Variants in KRT10 observed in about 807,000 individuals in gnomAD.
KRT10 encodes keratin, type I cytoskeletal 10.
A neutral mutation model predicts 59.2 loss-of-function variants in KRT10; 40 were observed. That is an observed-to-expected ratio of 0.68 (90% CI 0.52 to 0.88). The LOEUF is 0.88. KRT10 is among the 40% of genes least tolerant of loss of function. KRT10 has a pLI of 0.00. For missense variants in KRT10, 719 were observed against 749.1 expected (o/e 0.96, Z 0.47); for synonymous variants, 336 against 310.7 (o/e 1.08, Z -0.86).
chr17:40,821,140 T>A, intron 1 of KRT10, 23 bp from the exon 2 acceptor site: 1 of 1,558,656 alleles, frequency 6.4e-7, no homozygotes, highest in Non-Finnish European at 8.9e-7. Context: ...GCACAGTTAT[T>A]TGAGAAGAGG....
Position 40,822,375 on chromosome 17 carries a change from A to G in KRT10, c.211T>C (p.Ser71Pro), listed in dbSNP as rs1402981926. 6 of 1,608,902 alleles carry G rather than the reference A, an allele frequency of 3.7e-6. No individual in the cohort carries two copies. The East Asian group carries it at 1.1e-4, about 30-fold the overall frequency. The change falls in exon 1 of 8, where the codon TCA becomes CCA. Residue 71 changes from serine (S) to proline (P), a missense_variant. By Grantham distance (74) the Ser-to-Pro change is moderately conservative. Transcript: ENST00000269576. ...CCTCCTAATCCTCCATAGCCACCTG[A>G]TGAGCCCCCAAAGCAGCCCCCACCA... ...SSGGGCFGGS[S>P]GGYGGLGGFG...
chr17:40,822,576 G>C lies in KRT10; in HGVS notation c.10C>G (p.Arg4Gly). The C allele has an allele frequency of 8.1e-6, 13 of 1,601,284 alleles. No individual in the cohort carries two copies. The highest frequency in any genetic ancestry group is 2.7e-5 in the African/African-American group (2 of 74,992). Residue 4 changes from arginine to glycine, a missense_variant, in exon 1 of 8, where the codon CGA (arginine) becomes GGA (glycine). Arg to Gly is a moderately radical substitution (Grantham distance 125). Coordinates refer to ENST00000269576, the MANE Select transcript of KRT10 (RefSeq NM_000421.5). MSV[R>G]YSSSKHYSSS... ...GAGTAGTGCTTGCTTGAGCTGTATC[G>C]AACAGACATGGTGATGCTGTTTAGC...
rs1343954667 is a variant in KRT10 at position 40,822,480 on chromosome 17, T to C, written c.106A>G (p.Ile36Val). The change falls in exon 1 of 8, where the codon ATT (isoleucine) becomes GTT (valine). Residue 36 changes from isoleucine (I) to valine (V), a missense_variant. Around this residue, in one of 4 missense-constraint regions of KRT10, gnomAD observed 176 missense variants for 175.7 expected, o/e 1.00. Transcript: ENST00000269576. Reference sequence around the variant, plus strand: ...CCAAGGGAGCCTTTGCTGCTAGAAATTCTTAGGGATGACACTCCTCCTCCT... The same window carrying C: ...CCAAGGGAGCCTTTGCTGCTAGAAACTCTTAGGGATGACACTCCTCCTCCT... ...GGGGGVSSLR[I>V]SSSKGSLGGG... 6.2e-7 allele frequency: 1 copy of C among 1,613,542 alleles called. No homozygotes were observed. The highest frequency in any genetic ancestry group is 2.2e-5 in the East Asian group (1 of 44,842).
chr17:40,819,043 CGCCGCCGGAACT>C lies in KRT10; in HGVS notation c.1480_1491del (p.Ser494_Gly497del), dbSNP rs985344877. The C allele has an allele frequency of 8.2e-6, 11 of 1,344,082 alleles. No individual in the cohort carries two copies. The highest frequency in any genetic ancestry group is 7.9e-5 in the African/African-American group (5 of 62,940). 83.3% of individuals were successfully genotyped at this position (1,344,082 alleles called of 1,614,324 possible). On this transcript the variant is annotated inframe_deletion, in exon 7 of 8. Coordinates refer to ENST00000269576, the MANE Select transcript of KRT10 (RefSeq NM_000421.5). ...CCGCCGGAGCTTCCGCCTCCGTAGC[CGCCGCCGGAACT>C]GCCGCCGTGGCCGCCGCCGTGGCCG...
rs1905182811 is a variant in KRT10, at chr17:40,818,897, G to GCTGCTGCCGCCGCCGTAT, written c.1637_1638insATACGGCGGCGGCAGCAG (p.Gly545_Ser546insArgTyrGlyGlyGlySer). On this transcript the variant is annotated inframe_insertion, in exon 7 of 8. Coordinates refer to ENST00000269576, the MANE Select transcript of KRT10 (RefSeq NM_000421.5). ...CGCCGGAGCTGCTGCCGCCGCCGGA[G>GCTGCTGCCGCCGCCGTAT]CTGCCGCCCCCGTAGCCGCCGCCGC... The GCTGCTGCCGCCGCCGTAT allele has an allele frequency of 1.6e-6, 2 of 1,240,870 alleles. No homozygotes were observed. Among genetic ancestry groups the GCTGCTGCCGCCGCCGTAT allele is most frequent in the East Asian group, 3.7e-5 (1 of 26,856 alleles). 76.9% of individuals were successfully genotyped at this position (1,240,870 alleles called of 1,614,324 possible). A position where few individuals can be genotyped will look rare whatever the true frequency, so the allele number is the denominator to read the frequency against.
Position 40,820,514 on chromosome 17 carries a change from C to T in KRT10, c.864G>A (p.Glu288=), listed in dbSNP as rs774132657. ...EELAYLKKNH[E]EEMKDLRNVS... ...AAAAGTATAACTTTTGTGTCACCTCCTCGTGGTTCTTCTTCAGATAGGCCA... is the reference window on the plus strand; with the variant it reads ...AAAAGTATAACTTTTGTGTCACCTCTTCGTGGTTCTTCTTCAGATAGGCCA... Residue 288 remains glutamate, a synonymous_variant, in exon 3 of 8, where the codon GAG becomes GAA. Transcript: ENST00000269576. The T allele has an allele frequency of 6.2e-7, 1 of 1,614,164 alleles. No individual in the cohort carries two copies. The highest frequency in any genetic ancestry group is 8.5e-7 in the Non-Finnish European group (1 of 1,180,026).
chr17:40,819,042 C>T lies in KRT10; in HGVS notation c.1493G>A (p.Gly498Asp). Residue 498 changes from glycine to aspartate, a missense_variant, in exon 7 of 8, where the codon GGC becomes GAC. Coordinates refer to ENST00000269576, the MANE Select transcript of KRT10 (RefSeq NM_000421.5). ...GCCGCCGGAGCTTCCGCCTCCGTAGCCGCCGCCGGAACTGCCGCCGTGGCC... is the reference window on the plus strand; with the variant it reads ...GCCGCCGGAGCTTCCGCCTCCGTAGTCGCCGCCGGAACTGCCGCCGTGGCC... ...GGGHGGSSGG[G>D]YGGGSSGGGS... The T allele has an allele frequency of 3.7e-6, 5 of 1,348,100 alleles. No homozygotes were observed. Among genetic ancestry groups the T allele is most frequent in the Non-Finnish European group, 4.9e-6 (5 of 1,029,226 alleles). The allele number at this position is 1,348,100 out of a possible 1,614,324, so 83.5% of individuals were successfully genotyped here.
chr17:40,822,575 C>T lies in KRT10; in HGVS notation c.11G>A (p.Arg4Gln), dbSNP rs142158041. The T allele has an allele frequency of 8.1e-6, 13 of 1,601,446 alleles. No individual in the cohort carries two copies. The highest frequency in any genetic ancestry group is 4.0e-5 in the African/African-American group (3 of 74,892). Residue 4 changes from arginine (R) to glutamine (Q), a missense_variant, in exon 1 of 8, where the codon CGA becomes CAA. Physicochemically the swap from Arg to Gln is conservative, Grantham distance 43. This residue lies in a region of KRT10 where 176 missense variants were observed against 175.7 expected (regional missense o/e 1.00). Coordinates refer to ENST00000269576, the MANE Select transcript of KRT10 (RefSeq NM_000421.5). The part of the protein sequence containing the change: MSV[R>Q]YSSSKHYSSS... Reference sequence around the variant, plus strand: ...AGAGTAGTGCTTGCTTGAGCTGTATCGAACAGACATGGTGATGCTGTTTAG... The same window carrying T: ...AGAGTAGTGCTTGCTTGAGCTGTATTGAACAGACATGGTGATGCTGTTTAG...
rs763058569 is a variant in KRT10, at chr17:40,820,653, A to G, written c.725T>C (p.Val242Ala). Reference sequence around the variant, plus strand: ...AGCCTCCACGCTCTGGCGCAGAGCTACCTCATTCTCATACCTGAAACAAGC... The same window carrying G: ...AGCCTCCACGCTCTGGCGCAGAGCTGCCTCATTCTCATACCTGAAACAAGC... ...DDFRLKYENEVALRQSVEADI... is the reference protein window; with the variant it reads ...DDFRLKYENEAALRQSVEADI... The change falls in exon 3 of 8, where the codon GTA (valine) becomes GCA (alanine). Residue 242 changes from valine to alanine, a missense_variant. This residue lies in a region of KRT10 where 221 missense variants were observed against 277.8 expected (regional missense o/e 0.80). Coordinates refer to ENST00000269576, the MANE Select transcript of KRT10 (RefSeq NM_000421.5). The G allele has an allele frequency of 6.8e-6, 11 of 1,614,042 alleles. No homozygotes were observed. The highest frequency in any genetic ancestry group is 2.2e-5 in the South Asian group (2 of 91,082).
Position 40,819,011 on chromosome 17 carries a change from G to GCCGCCGGAC in KRT10, c.1523_1524insGTCCGGCGG (p.Ser508delinsArgSerGlyGly), listed in dbSNP as rs1905202718. ...TTCCGCCCCCGTAGCCGCCGCCGGA[G>GCCGCCGGAC]CTTCCGCCGCCGGAGCTTCCGCCTC... On this transcript the variant is annotated protein_altering_variant, in exon 7 of 8. Coordinates refer to ENST00000269576, the MANE Select transcript of KRT10 (RefSeq NM_000421.5). The GCCGCCGGAC allele has an allele frequency of 7.9e-7, 1 of 1,263,132 alleles. No homozygotes were observed. The highest frequency in any genetic ancestry group is 1.5e-5 in the African/African-American group (1 of 64,806). The allele number at this position is 1,263,132 out of a possible 1,614,324, so 78.2% of individuals were successfully genotyped here.
intron 1 of KRT10, among the ~76,000 whole-genome samples, chr17:40,821,504 C>T (rs906975593): frequency 2.0e-5 from 3 of 152,146 alleles, no homozygotes; most frequent in African/African-American, 4.8e-5. Flanking sequence ...TGAACTGGTA[C>T]ACAATAGGTA....
Position 40,818,884 on chromosome 17 carries a change from T to A in KRT10, c.1651A>T (p.Ser551Cys), listed in dbSNP as rs1426480004. ...GYGGGSSGGG[S>C]SSGGGYGGGS... ...CCGCCGTATCCGCCGCCGGAGCTGC[T>A]GCCGCCGCCGGAGCTGCCGCCCCCG... The change falls in exon 7 of 8, where the codon AGC becomes TGC. Residue 551 changes from serine to cysteine, a missense_variant. Ser to Cys is a moderately radical substitution (Grantham distance 112). This residue lies in a region of KRT10 where 315 missense variants were observed against 270.6 expected (regional missense o/e 1.16). Transcript: ENST00000269576. 8.6e-6 allele frequency: 13 copies of A among 1,514,784 alleles called. No individual in the cohort carries two copies. Among genetic ancestry groups the A allele is most frequent in the Middle Eastern group, 1.7e-4 (1 of 5,770 alleles). 93.8% of individuals were successfully genotyped at this position (1,514,784 alleles called of 1,614,324 possible). A position where few individuals can be genotyped will look rare whatever the true frequency, so the allele number is the denominator to read the frequency against.
chr17:40,820,688 A>G (rs754359952), intron 2 of KRT10, 21 bp from the exon 3 acceptor site: 5 of 1,613,696 alleles, frequency 3.1e-6, no homozygotes, highest in South Asian at 1.1e-5. Flanking sequence ...CATGATATCA[A>G]TACTGGTTAT....
In KRT10 at chr17:40,820,746, G is replaced by A. The variant is rs1799873; in HGVS notation, c.711-79C>T. The A allele has an allele frequency of 0.68, 995,849 of 1,471,468 alleles. 342,090 individuals carry two copies. Among genetic ancestry groups the A allele is most frequent in the African/African-American group, 0.9 (64,873 of 72,250 alleles). The allele number at this position is 1,471,468 out of a possible 1,614,324, so 91.2% of individuals were successfully genotyped here. On this transcript the variant is annotated intron_variant, in intron 2 of 7. Coordinates refer to ENST00000269576, the MANE Select transcript of KRT10 (RefSeq NM_000421.5). ...CTGGGCAGAGACTATTTAAAAAGCAGCTACATAGTTGATCTCATGTAATGG... is the reference window on the plus strand; with the variant it reads ...CTGGGCAGAGACTATTTAAAAAGCAACTACATAGTTGATCTCATGTAATGG...
rs1427815736 is a variant in KRT10 at position 40,819,000 on chromosome 17, C to T, written c.1535G>A (p.Gly512Asp). 1 of 1,278,068 alleles carries T rather than the reference C, an allele frequency of 7.8e-7. No homozygotes were observed. The highest frequency in any genetic ancestry group is 1.0e-6 in the Non-Finnish European group (1 of 989,556). The allele number at this position is 1,278,068 out of a possible 1,614,324, so 79.2% of individuals were successfully genotyped here. A position where few individuals can be genotyped will look rare whatever the true frequency, so the allele number is the denominator to read the frequency against. ...GSSGGGSSGGGYGGGSSSGGH... is the reference protein window; with the variant it reads ...GSSGGGSSGGDYGGGSSSGGH... ...GCCGCTGGAGCTTCCGCCCCCGTAG[C>T]CGCCGCCGGAGCTTCCGCCGCCGGA... Residue 512 changes from glycine (G) to aspartate (D), a missense_variant, in exon 7 of 8, where the codon GGC (glycine) becomes GAC (aspartate). Gly to Asp is a moderately conservative substitution (Grantham distance 94). Around this residue, in one of 4 missense-constraint regions of KRT10, gnomAD observed 315 missense variants for 270.6 expected, o/e 1.16. Coordinates refer to ENST00000269576, the MANE Select transcript of KRT10 (RefSeq NM_000421.5).
Position 40,821,704 on chromosome 17 carries a change from T to C in KRT10, c.627+255A>G, listed in dbSNP as rs557636536. On this transcript the variant is annotated intron_variant, in intron 1 of 7. Transcript: ENST00000269576. ...CTAGCATATTTTAACTGTGGACTCATTGTATGCTCATTAAAACCTCAAAAG... is the reference window on the plus strand; with the variant it reads ...CTAGCATATTTTAACTGTGGACTCACTGTATGCTCATTAAAACCTCAAAAG... Among the ~76,000 whole-genome samples, 9 of 152,322 alleles carry C rather than the reference T, an allele frequency of 5.9e-5. No individual in the cohort carries two copies. The East Asian group carries it at 1.5e-3, about 26-fold the overall frequency.
Position 40,818,963 on chromosome 17 carries a change from G to GCCGCCGTGGCCGCCGCTGGAGCTT in KRT10, c.1548_1571dup (p.His522_Gly529dup). The GCCGCCGTGGCCGCCGCTGGAGCTT allele has an allele frequency of 1.5e-6, 2 of 1,362,028 alleles. No individual in the cohort carries two copies. Among genetic ancestry groups the GCCGCCGTGGCCGCCGCTGGAGCTT allele is most frequent in the Non-Finnish European group, 9.4e-7 (1 of 1,059,482 alleles). 84.4% of individuals were successfully genotyped at this position (1,362,028 alleles called of 1,614,324 possible). ...CACCACCGTAGCCGCCGCTGGAACT[G>GCCGCCGTGGCCGCCGCTGGAGCTT]CCGCCGTGGCCGCCGCTGGAGCTTC... is the stretch of plus-strand genomic sequence containing the variant. On this transcript the variant is annotated inframe_insertion, in exon 7 of 8. Transcript: ENST00000269576.
At position 40,818,409 on chromosome 17, in the gene KRT10, C is replaced by T; in HGVS notation, c.*67G>A. 1 of 1,610,338 alleles carries T rather than the reference C, an allele frequency of 6.2e-7. No homozygotes were observed. Among genetic ancestry groups the T allele is most frequent in the Non-Finnish European group, 8.5e-7 (1 of 1,177,190 alleles). On this transcript the variant is annotated 3_prime_UTR_variant, in exon 8 of 8. Coordinates refer to ENST00000269576, the MANE Select transcript of KRT10 (RefSeq NM_000421.5). ...AGTGTTTCTTGGTTTCTGATTCAAC[C>T]ATAGATGAAAGAACTCTACCGTCGG...
At position 40,819,037 on chromosome 17, in the gene KRT10, C is replaced by T. The variant is rs766622228; in HGVS notation, c.1498G>A (p.Gly500Arg). ...GHGGSSGGGY[G>R]GGSSGGGSSG... ...CTTCCGCCGCCGGAGCTTCCGCCTC[C>T]GTAGCCGCCGCCGGAACTGCCGCCG... The change falls in exon 7 of 8, where the codon GGA becomes AGA. Residue 500 changes from glycine (G) to arginine (R), a missense_variant. This residue lies in a region of KRT10 where 315 missense variants were observed against 270.6 expected (regional missense o/e 1.16). Transcript: ENST00000269576. The T allele has an allele frequency of 2.9e-6, 4 of 1,368,724 alleles. No homozygotes were observed. The highest frequency in any genetic ancestry group is 3.8e-6 in the Non-Finnish European group (4 of 1,052,960). The allele number at this position is 1,368,724 out of a possible 1,614,324, so 84.8% of individuals were successfully genotyped here.
Sources: allele counts gnomAD v4.1 joint callset (sites outside exome capture counted in the v4.1 genomes callset), GRCh38; gene constraint gnomAD v4.1.1; regional missense constraint gnomAD v4.1.1; transcripts MANE v1.5; gene names NCBI Gene and HGNC (gene_info 2026-07-23, HGNC 2026-07-21).